The following RPS6KA2 variants were observed in gnomAD, a reference collection of about 807,000 sequenced individuals.
The protein encoded by RPS6KA2 is ribosomal protein S6 kinase A2.
In RPS6KA2, 42 loss-of-function variants were observed where a neutral mutation model predicts 91.8. The ratio of observed to expected loss-of-function variants is 0.46; its 90% CI spans 0.36 to 0.59. The LOEUF (loss-of-function observed/expected upper bound fraction) is 0.59. Ranked by LOEUF, RPS6KA2 falls within the 20% of genes least tolerant of loss-of-function variation. RPS6KA2 has a pLI of 0.00. For missense variants in RPS6KA2, 798 were observed against 978.5 expected, an observed-to-expected ratio of 0.82 and a Z score of 2.46; for synonymous variants, 414 against 393.6, an observed-to-expected ratio of 1.05 and a Z score of -0.61.
At chr6:166,467,744 GCA>G (rs933615948) in intron 11 of RPS6KA2, among the ~76,000 whole-genome samples, 1 of 152,212 alleles carries the variant, frequency 6.6e-6, no homozygotes, top group African/African-American at 2.4e-5. Flanking sequence ...CTCCTTGTCA[GCA>G]CAGTGTCCTC....
At position 166,662,899 on chromosome 6, in the gene RPS6KA2, G is replaced by A. The variant is rs1024413342; in HGVS notation, c.124-124115C>T. Among the ~76,000 whole-genome samples, 4 of 152,032 alleles carry A rather than the reference G, an allele frequency of 2.6e-5. No homozygotes were observed. Among genetic ancestry groups the A allele is most frequent in the Non-Finnish European group, 5.9e-5 (4 of 68,008 alleles). ...TTAGAAGAAGAGGAAGTCTGAATAC[G>A]CAGAGACACCGGGGCCGCCTCTGTG... is the stretch of plus-strand genomic sequence containing the variant. On this transcript the variant is annotated intron_variant, in intron 2 of 21. Coordinates refer to the RPS6KA2 transcript ENST00000503859. The surrounding 1 kb of genome is among the most constrained non-coding windows in gnomAD (Gnocchi z 4.3).
chr6:166,491,621 T>C (rs979887420), intron 8 of RPS6KA2, among the ~76,000 whole-genome samples: 7 of 152,246 alleles, frequency 4.6e-5, no homozygotes, highest in Admixed American at 6.5e-5. Flanking sequence ...GGTGTTTCCA[T>C]GGTCTTATTG....
rs140580499 is a variant in RPS6KA2 at position 166,540,327 on chromosome 6, G to A, written c.100-1543C>T. On this transcript the variant is annotated intron_variant, in intron 1 of 20. Transcript: ENST00000265678. ...TAAAAGCAGATAAGGTGTCTGAGCC[G>A]TGGAAACTCACAGCGGATTAGAGGC... Among the ~76,000 whole-genome samples the A allele has an allele frequency of 4.6e-3, 700 of 152,340 alleles. 4 individuals are homozygous for A. The highest frequency in any genetic ancestry group is 0.014 in the African/African-American group (585 of 41,584).
Position 166,572,968 on chromosome 6 carries a change from C to T in RPS6KA2, c.100-34184G>A, listed in dbSNP as rs1228643510. ...GGAGCCCCTGCGTGGTCAGAGGGAG[C>T]GGAGCACAGGAAAGGAAGAGAAAGG... is the stretch of plus-strand genomic sequence containing the variant. On this transcript the variant is annotated intron_variant, in intron 1 of 20. Coordinates refer to ENST00000265678, the MANE Select transcript of RPS6KA2 (RefSeq NM_021135.6). 5.9e-5 allele frequency among the ~76,000 whole-genome samples: 9 copies of T among 152,184 alleles called. No homozygotes were observed. In the South Asian group the frequency reaches 1.9e-3, roughly 32 times the overall value.
chr6:166,558,731 G>T (rs942827846), intron 1 of RPS6KA2, among the ~76,000 whole-genome samples: 1 of 152,214 alleles, frequency 6.6e-6, no homozygotes, highest in East Asian at 1.9e-4. Context: ...ACCGTGAGAA[G>T]TAGTGAGGGA....
chr6:166,666,926 G>A lies in RPS6KA2; in HGVS notation c.124-128142C>T, dbSNP rs2128559543. 6.6e-6 allele frequency among the ~76,000 whole-genome samples: 1 copy of A among 152,316 alleles called. No individual in the cohort carries two copies. The highest frequency in any genetic ancestry group is 2.4e-5 in the African/African-American group (1 of 41,578). ...GTGCGGTGTAGGCACACAATGGAAG[G>A]AAATGACGACGCACGTTGCAATGTG... On this transcript the variant is annotated intron_variant, in intron 2 of 21. Coordinates refer to the RPS6KA2 transcript ENST00000503859. The surrounding 1 kb of genome is among the most constrained non-coding windows in gnomAD (Gnocchi z 4.0).
chr6:166,620,467 G>A (rs12664861), intron 1 of RPS6KA2, among the ~76,000 whole-genome samples: 2,155 of 152,158 alleles, frequency 0.014, 38 homozygotes, highest in East Asian at 0.071. Flanking sequence ...TTCCAAGAGG[G>A]GCTATTACCA....
intron 2 of RPS6KA2, among the ~76,000 whole-genome samples, chr6:166,673,936 A>G (rs1788549282): frequency 6.6e-6 from 1 of 152,228 alleles, no homozygotes; most frequent in Non-Finnish European, 1.5e-5. Flanking sequence ...CATCAGATAA[A>G]TATACATAAA....
upstream of RPS6KA2, among the ~76,000 whole-genome samples, chr6:166,629,948 T>C (rs977891545): frequency 2.1e-5 from 3 of 142,302 alleles, no homozygotes; most frequent in Admixed American, 1.4e-4. Flanking sequence ...CACAGTCTTA[T>C]GGAAGAGAAG....
At position 166,435,461 on chromosome 6, in the gene RPS6KA2, G is replaced by A. The variant is rs754205210; in HGVS notation, c.1333-2971C>T. Among the ~76,000 whole-genome samples the A allele has an allele frequency of 1.8e-4, 27 of 152,174 alleles. No individual in the cohort carries two copies. The highest frequency in any genetic ancestry group is 2.7e-4 in the African/African-American group (11 of 41,432). ...ATTACATTTTCAACATATTAGTTAC[G>A]CCTTTCAAAATCATGTAATTGCTTG... On this transcript the variant is annotated intron_variant, in intron 14 of 20. Coordinates refer to ENST00000265678, the MANE Select transcript of RPS6KA2 (RefSeq NM_021135.6). This position sits in a 1 kb window ranked among gnomAD's most constrained non-coding sequence, Gnocchi z 4.3.
intron 2 of RPS6KA2, among the ~76,000 whole-genome samples, chr6:166,853,735 T>C (rs1272960478): frequency 1.3e-5 from 2 of 152,262 alleles, no homozygotes; most frequent in Non-Finnish European, 2.9e-5. Context: ...AGGTTGCCTC[T>C]AGACCCTCAA....
chr6:166,631,898 TA>T (rs1787090148), upstream of RPS6KA2, among the ~76,000 whole-genome samples: 1 of 152,162 alleles, frequency 6.6e-6, no homozygotes, highest in African/African-American at 2.4e-5. Flanking sequence ...CAGTATCAGC[TA>T]AGGTGTAAAT....
chr6:166,660,591 A>C (rs1444603667), intron 2 of RPS6KA2, among the ~76,000 whole-genome samples: 1 of 152,202 alleles, frequency 6.6e-6, no homozygotes, highest in Non-Finnish European at 1.5e-5. Context: ...AGAAACATAA[A>C]GTGAATAATT....
chr6:166,783,241 C>G (rs1028814557), intron 2 of RPS6KA2, among the ~76,000 whole-genome samples: 1 of 151,594 alleles, frequency 6.6e-6, no homozygotes, highest in East Asian at 1.9e-4. Context: ...GCAGGAGCCA[C>G]GTGATTAACA....
chr6:166,755,852 A>G (rs1036520964), intron 2 of RPS6KA2, among the ~76,000 whole-genome samples: 2 of 152,190 alleles, frequency 1.3e-5, no homozygotes, highest in African/African-American at 2.4e-5. Context: ...TGAGCTGGGT[A>G]AGGAGCTGGA....
intron 1 of RPS6KA2, among the ~76,000 whole-genome samples, chr6:166,598,383 T>C (rs1300778044): frequency 6.6e-6 from 1 of 152,214 alleles, no homozygotes; most frequent in Admixed American, 6.5e-5. Context: ...CTTACAGGAA[T>C]GGTTTAGAGA....
intron 2 of RPS6KA2, among the ~76,000 whole-genome samples, chr6:166,785,845 T>C (rs1391226147): frequency 6.6e-6 from 1 of 152,260 alleles, no homozygotes; most frequent in South Asian, 2.1e-4. Context: ...CATGTTAGTA[T>C]AAAGACAAGG....
intron 2 of RPS6KA2, among the ~76,000 whole-genome samples, chr6:166,824,548 G>A (rs1335390953): frequency 1.3e-5 from 2 of 152,154 alleles, no homozygotes; most frequent in Non-Finnish European, 2.9e-5. Context: ...GTGTGAGTGT[G>A]TCTATATGTG....
intron 1 of RPS6KA2, among the ~76,000 whole-genome samples, chr6:166,567,073 C>A (rs1489104309): frequency 6.6e-6 from 1 of 152,194 alleles, no homozygotes; most frequent in African/African-American, 2.4e-5. Context: ...TGGCAAAAAA[C>A]AATCCATGAT....
Sources: allele counts gnomAD v4.1 joint callset (sites outside exome capture counted in the v4.1 genomes callset), GRCh38; gene constraint gnomAD v4.1.1; non-coding constraint Gnocchi (gnomAD v3.1); transcripts MANE v1.5; gene names NCBI Gene and HGNC (gene_info 2026-07-23, HGNC 2026-07-21).